RORA: variants seen among roughly 807,000 people sequenced by gnomAD.
RORA encodes RAR related orphan receptor A.
A neutral mutation model predicts 69.5 loss-of-function variants in RORA; 7 were observed. The observed-to-expected ratio is 0.10, with a 90% confidence interval of 0.06 to 0.19. The LOEUF (loss-of-function observed/expected upper bound fraction) is 0.19, where lower values mean the gene tolerates loss of function less well. RORA is among the 10% of genes least tolerant of loss of function. The pLI, the probability that RORA is intolerant of heterozygous loss-of-function variation, is 1.00. For synonymous variants in RORA, 261 were observed against 240.8 expected (o/e 1.08, Z -0.78); for missense variants, 457 against 663.0 (o/e 0.69, Z 3.41).
chr15:61,029,934 G>A (rs577420479), intron 1 of RORA, among the ~76,000 whole-genome samples: 11 of 152,262 alleles, frequency 7.2e-5, no homozygotes, highest in Non-Finnish European at 1.6e-4. Context: ...CCTAAAGAGA[G>A]ACAAGTGGAG....
At chr15:60,956,244 T>C (rs78790484) in intron 1 of RORA, among the ~76,000 whole-genome samples, 14 of 152,244 alleles carry the variant, frequency 9.2e-5, no homozygotes, top group African/African-American at 3.4e-4. Context: ...GTTTTTTTTT[T>C]CCACTGGGCA....
In RORA at chr15:61,064,774, TC is replaced by T. The variant is rs1225573789; in HGVS notation, c.166+164278del. On this transcript the variant is annotated intron_variant, in intron 1 of 10. Coordinates refer to ENST00000335670, the MANE Select transcript of RORA (RefSeq NM_134261.3). ...GGAAGCATGAAAAGCTACTGCCCAATCCCCCCATCCCCTTTCTTGGCACAGA... is the reference window on the plus strand; with the variant it reads ...GGAAGCATGAAAAGCTACTGCCCAATCCCCCATCCCCTTTCTTGGCACAGA... 2.0e-5 allele frequency among the ~76,000 whole-genome samples: 3 copies of T among 152,034 alleles called. No individual in the cohort carries two copies. The East Asian group carries it at 5.8e-4, about 29-fold the overall frequency.
intron 1 of RORA, among the ~76,000 whole-genome samples, chr15:61,156,246 A>G (rs1028921528): frequency 2.0e-5 from 3 of 152,182 alleles, no homozygotes; most frequent in Admixed American, 2.0e-4. Context: ...AAGATATGTT[A>G]AAATCTGTTC....
chr15:61,221,028 G>A (rs1283955855), intron 1 of RORA, among the ~76,000 whole-genome samples: 1 of 152,092 alleles, frequency 6.6e-6, no homozygotes, highest in African/African-American at 2.4e-5. Context: ...ACTTCACCCA[G>A]TGAAACACAC....
At chr15:61,053,878 A>AG (rs1240338488) in intron 1 of RORA, among the ~76,000 whole-genome samples, 5 of 55,072 alleles carry the variant, frequency 9.1e-5, no homozygotes, top group Non-Finnish European at 1.5e-4. Flanking sequence ...TTCTTCAGGG[A>AG]GGGTTTCCTT....
intron 1 of RORA, 51 bp from the exon 2 acceptor site, chr15:60,678,737 G>C (rs753897738): frequency 6.8e-7 from 1 of 1,477,334 alleles, no homozygotes; most frequent in East Asian, 2.3e-5. Context: ...TGTGTGTGCT[G>C]CTTTGAATGT....
Position 60,797,175 on chromosome 15 carries a change from T to A in RORA, c.167-118489A>T, listed in dbSNP as rs899811810. On this transcript the variant is annotated intron_variant, in intron 1 of 10. Coordinates refer to ENST00000335670, the MANE Select transcript of RORA (RefSeq NM_134261.3). ...GGATTTCCTTTTGGGATAATTAAAA[T>A]GTCCTGGAACTAGATAGTGTCATGG... Among the ~76,000 whole-genome samples, 10 of 151,900 alleles carry A rather than the reference T, an allele frequency of 6.6e-5. No individual in the cohort carries two copies. In the East Asian group the frequency reaches 1.9e-3, roughly 29 times the overall value.
At chr15:60,819,777 A>ACGCG (rs1332906221) in intron 1 of RORA, among the ~76,000 whole-genome samples, 1 of 125,398 alleles carries the variant, frequency 8.0e-6, no homozygotes, top group Non-Finnish European at 1.9e-5. Context: ...ACACACACAC[A>ACGCG]CACACACACA....
At position 60,901,644 on chromosome 15, in the gene RORA, T is replaced by C. The variant is rs140040782; in HGVS notation, c.167-222958A>G. ...ACACATAAACTAAAAGAAAAATGAGTCCCATTCACTGTTAAATAATCGTAA... is the reference window on the plus strand; with the variant it reads ...ACACATAAACTAAAAGAAAAATGAGCCCCATTCACTGTTAAATAATCGTAA... On this transcript the variant is annotated intron_variant, in intron 1 of 10. Coordinates refer to ENST00000335670, the MANE Select transcript of RORA (RefSeq NM_134261.3). 7.4e-4 allele frequency among the ~76,000 whole-genome samples: 104 copies of C among 141,162 alleles called. 2 individuals carry two copies. Among genetic ancestry groups the C allele is most frequent in the Non-Finnish European group, 9.4e-5 (6 of 63,972 alleles). 92.6% of individuals were successfully genotyped at this position (141,162 alleles called of 152,430 possible).
intron 1 of RORA, among the ~76,000 whole-genome samples, chr15:61,190,429 C>G (rs1250058153): frequency 6.6e-6 from 1 of 152,116 alleles, no homozygotes; most frequent in Non-Finnish European, 1.5e-5. Flanking sequence ...AGATGCTTTC[C>G]TAAAAAATAA....
At chr15:60,912,524 G>A (rs1406893400) in intron 1 of RORA, among the ~76,000 whole-genome samples, 1 of 151,860 alleles carries the variant, frequency 6.6e-6, no homozygotes, top group Non-Finnish European at 1.5e-5. Flanking sequence ...GGAGGCCGAG[G>A]CATGTGGATC....
At position 60,497,141 on chromosome 15, in the gene RORA, G is replaced by A. The variant is rs2065187588; in HGVS notation, c.*314C>T. 1 of 226,230 alleles carries A rather than the reference G, an allele frequency of 4.4e-6. No homozygotes were observed. Among genetic ancestry groups the A allele is most frequent in the Non-Finnish European group, 8.7e-6 (1 of 114,932 alleles). The allele number at this position is 226,230 out of a possible 1,614,324, so 14.0% of individuals were successfully genotyped here. A position where few individuals can be genotyped will look rare whatever the true frequency, so the allele number is the denominator to read the frequency against. On this transcript the variant is annotated 3_prime_UTR_variant, in exon 11 of 11. Transcript: ENST00000335670. ...TCTGTAGAAAGTCTGTGGGCAGTGAGCTACAAGAAAAGGAAATCCTCCGAC... is the reference window on the plus strand; with the variant it reads ...TCTGTAGAAAGTCTGTGGGCAGTGAACTACAAGAAAAGGAAATCCTCCGAC...
chr15:60,517,492 G>A (rs747218622), intron 3 of RORA, among the ~76,000 whole-genome samples: 1 of 141,096 alleles, frequency 7.1e-6, no homozygotes. Flanking sequence ...TATTGTTTGT[G>A]TGTGTCTGTT....
intron 1 of RORA, among the ~76,000 whole-genome samples, chr15:60,730,488 C>A (rs1302841006): frequency 6.6e-6 from 1 of 152,140 alleles, no homozygotes; most frequent in African/African-American, 2.4e-5. Context: ...TTAAAAAATG[C>A]AGTAGTATGT....
intron 1 of RORA, among the ~76,000 whole-genome samples, chr15:60,698,914 A>G (rs1353069009): frequency 6.6e-6 from 1 of 151,770 alleles, no homozygotes; most frequent in Non-Finnish European, 1.5e-5. Context: ...TGACTTTTGT[A>G]TTTCCTCTTT....
intron 1 of RORA, among the ~76,000 whole-genome samples, chr15:61,051,420 A>T (rs955939647): frequency 1.3e-5 from 2 of 152,196 alleles, no homozygotes; most frequent in Admixed American, 1.3e-4. Flanking sequence ...ACTCAGCAGC[A>T]GCCTGGGCAG....
intron 1 of RORA, among the ~76,000 whole-genome samples, chr15:61,026,685 A>C (rs1005285407): frequency 2.6e-5 from 4 of 152,200 alleles, no homozygotes; most frequent in Admixed American, 2.0e-4. Context: ...TTATTAATAG[A>C]ACTAAACTTT....
At chr15:60,934,406 A>G (rs576746402) in intron 1 of RORA, among the ~76,000 whole-genome samples, 1 of 152,316 alleles carries the variant, frequency 6.6e-6, no homozygotes, top group African/African-American at 2.4e-5. Flanking sequence ...ACAAAAACAC[A>G]GATTGCTGGG....
At chr15:60,498,734 G>A (rs1385572355) in intron 10 of RORA, among the ~76,000 whole-genome samples, 1 of 152,070 alleles carries the variant, frequency 6.6e-6, no homozygotes, top group East Asian at 1.9e-4. Flanking sequence ...TGAAGCTCCT[G>A]ACAGGGCTCC....
Sources: allele counts gnomAD v4.1 joint callset (sites outside exome capture counted in the v4.1 genomes callset), GRCh38; gene constraint gnomAD v4.1.1; transcripts MANE v1.5; gene names NCBI Gene and HGNC (gene_info 2026-07-23, HGNC 2026-07-21).